ABCA3: variants seen among roughly 807,000 people sequenced by gnomAD.
ABCA3 encodes the protein ATP binding cassette subfamily A member 3.
A neutral mutation model predicts 172.8 loss-of-function variants in ABCA3; 88 were observed. The ratio of observed to expected loss-of-function variants is 0.51; its 90% CI spans 0.43 to 0.61. The LOEUF is 0.61. ABCA3 is among the 20% of genes least tolerant of loss of function. ABCA3 has a pLI of 0.00. For synonymous variants in ABCA3, 1,066 were observed against 983.8 expected, an observed-to-expected ratio of 1.08 and a Z score of -1.56; for missense variants, 2,164 against 2,301.0, an observed-to-expected ratio of 0.94 and a Z score of 1.22.
At position 2,277,818 on chromosome 16, in the gene ABCA3, G is replaced by A. The variant is rs1323447226; in HGVS notation, c.4909+61C>T. On this transcript the variant is annotated intron_variant, in intron 31 of 32. Coordinates refer to ENST00000301732, the MANE Select transcript of ABCA3 (RefSeq NM_001089.3). This position sits in a 1 kb window ranked among gnomAD's most constrained non-coding sequence, Gnocchi z 5.3. ...GCACAGACGCTCCGCACAGCAGATG[G>A]GAGAGGCCTAGGTAGGGGCCCAGGG... 6.2e-6 allele frequency: 10 copies of A among 1,602,252 alleles called. No homozygotes were observed. The highest frequency in any genetic ancestry group is 8.5e-6 in the Non-Finnish European group (10 of 1,175,868).
At chr16:2,313,768 G>A (rs932198674) in intron 10 of ABCA3, among the ~76,000 whole-genome samples, 7 of 150,816 alleles carry the variant, frequency 4.6e-5, no homozygotes, top group African/African-American at 1.5e-4. Flanking sequence ...GGTGGCGGGC[G>A]CCTGTAATCC....
At chr16:2,323,783 A>G in intron 6 of ABCA3, 95 bp from the exon 7 acceptor site, 2 of 1,421,720 alleles carry the variant, frequency 1.4e-6, no homozygotes, top group South Asian at 2.3e-5. Flanking sequence ...GGGCTGTCAC[A>G]GCCGAGAACT....
At chr16:2,298,928 G>A (rs534810630) in intron 14 of ABCA3, among the ~76,000 whole-genome samples, 19 of 152,308 alleles carry the variant, frequency 1.2e-4, no homozygotes, top group African/African-American at 4.6e-4. Flanking sequence ...GGGGTTTGGT[G>A]ACAGAATTAG....
chr16:2,295,669 G>T lies in ABCA3; in HGVS notation c.2335C>A (p.His779Asn). ...NPEDISQLVH[H>N]HVPNATLESS... The stretch of plus-strand genomic sequence containing the variant: ...TCCAGCGTGGCGTTGGGCACGTGGT[G>T]GTGGACCAGCTGGGAGATGTCTTCC... Residue 779 changes from histidine to asparagine, a missense_variant, in exon 18 of 33, where the codon CAC becomes AAC. His to Asn is a moderately conservative substitution (Grantham distance 68). Transcript: ENST00000301732. The T allele has an allele frequency of 6.2e-7, 1 of 1,614,082 alleles. No homozygotes were observed. Among genetic ancestry groups the T allele is most frequent in the Non-Finnish European group, 8.5e-7 (1 of 1,180,044 alleles).
intron 1 of ABCA3, among the ~76,000 whole-genome samples, chr16:2,337,541 T>A (rs2093753801): frequency 6.7e-6 from 1 of 148,346 alleles, no homozygotes; most frequent in Non-Finnish European, 1.5e-5. Flanking sequence ...GCCCGGCTAA[T>A]TGTTTGATTT....
chr16:2,320,773 G>C (rs1245376126), intron 7 of ABCA3, among the ~76,000 whole-genome samples: 3 of 152,082 alleles, frequency 2.0e-5, no homozygotes, highest in African/African-American at 7.2e-5. Flanking sequence ...GGCTAGAATT[G>C]ACCAGTCCCT....
intron 10 of ABCA3, among the ~76,000 whole-genome samples, chr16:2,317,028 A>T (rs2093717023): frequency 6.6e-6 from 1 of 152,192 alleles, no homozygotes; most frequent in Non-Finnish European, 1.5e-5. Flanking sequence ...CACTGTCCTC[A>T]CTTCTGGCTC....
At chr16:2,336,327 T>C (rs1031273277) in intron 1 of ABCA3, among the ~76,000 whole-genome samples, 1 of 152,192 alleles carries the variant, frequency 6.6e-6, no homozygotes, top group African/African-American at 2.4e-5. Context: ...GTAAATGAAA[T>C]TGAAAAACAA....
At chr16:2,313,339 G>A (rs2093709511) in intron 10 of ABCA3, among the ~76,000 whole-genome samples, 1 of 151,922 alleles carries the variant, frequency 6.6e-6, no homozygotes, top group African/African-American at 2.4e-5. Context: ...TGGATCACCT[G>A]AGGTCAGGAG....
At position 2,297,174 on chromosome 16, in the gene ABCA3, C is replaced by T. The variant is rs1026115744; in HGVS notation, c.2263+155G>A. On this transcript the variant is annotated intron_variant, in intron 17 of 32. Coordinates refer to ENST00000301732, the MANE Select transcript of ABCA3 (RefSeq NM_001089.3). This position sits in a 1 kb window ranked among gnomAD's most constrained non-coding sequence, Gnocchi z 5.6. The stretch of plus-strand genomic sequence containing the variant: ...TGCCTCTTCCCTCTCACAAGCCCCC[C>T]TGCCTGGTTGGGCTCTCCACCCAGA... 1.3e-5 allele frequency among the ~76,000 whole-genome samples: 2 copies of T among 152,120 alleles called. No homozygotes were observed. The highest frequency in any genetic ancestry group is 4.8e-5 in the African/African-American group (2 of 41,420).
At chr16:2,299,917 A>G in intron 13 of ABCA3, 88 bp downstream of exon 13, 2 of 1,575,018 alleles carry the variant, frequency 1.3e-6, no homozygotes, top group Non-Finnish European at 1.7e-6. Flanking sequence ...GGAGCGCCTG[A>G]CGGGCTATGA....
chr16:2,314,075 A>C (rs564314350), intron 10 of ABCA3, among the ~76,000 whole-genome samples: 4 of 152,134 alleles, frequency 2.6e-5, no homozygotes, highest in Non-Finnish European at 5.9e-5. Context: ...CGGGAAAGAC[A>C]GTCTGACAGT....
rs376543792 is a variant in ABCA3, at chr16:2,278,495, T to G, written c.4548-37A>C. 1.0e-4 allele frequency: 165 copies of G among 1,605,206 alleles called. No homozygotes were observed. The African/African-American group carries it at 2.0e-3, about 19-fold the overall frequency. On this transcript the variant is annotated intron_variant, in intron 29 of 32. Coordinates refer to ENST00000301732, the MANE Select transcript of ABCA3 (RefSeq NM_001089.3). This position sits in a 1 kb window ranked among gnomAD's most constrained non-coding sequence, Gnocchi z 4.4. ...AGGGTGCCAGGTGGGGGAATAAGGC[T>G]GAGAGTTAGCATTGGCTCCCATGTC...
rs1231561944 is a variant in ABCA3 at position 2,276,708 on chromosome 16, T to C, written c.5081A>G (p.His1694Arg). 1 of 1,613,712 alleles carries C rather than the reference T, an allele frequency of 6.2e-7. No homozygotes were observed. The highest frequency in any genetic ancestry group is 2.2e-5 in the East Asian group (1 of 44,888). Residue 1694 changes from histidine (H) to arginine (R), a missense_variant, in exon 33 of 33, where the codon CAC (histidine) becomes CGC (arginine). This residue lies in a region of ABCA3 where 795 missense variants were observed against 881.9 expected (regional missense o/e 0.90). Transcript: ENST00000301732. ...SLEQVFLSFA[H>R]LQPPTAEEGR ...CTCCTCTGCGGTGGGCGGCTGCAGG[T>C]GGGCGAAGCTCAGGAAGACCTGTTC...
At chr16:2,282,551 G>A (rs1251926412) in intron 26 of ABCA3, among the ~76,000 whole-genome samples, 1 of 152,240 alleles carries the variant, frequency 6.6e-6, no homozygotes, top group Non-Finnish European at 1.5e-5. Flanking sequence ...CTGAGAAAAT[G>A]AACGTTTTCA....
In ABCA3 at chr16:2,287,328, G is replaced by A. The variant is rs1466851264; in HGVS notation, c.3005-361C>T. ...ACAGTCTTGCTCTGTCACCCAGGCT[G>A]GAGTGCAATGGTGCGATCTTGGCTC... is the stretch of plus-strand genomic sequence containing the variant. On this transcript the variant is annotated intron_variant, in intron 21 of 32. Transcript: ENST00000301732. This position sits in a 1 kb window ranked among gnomAD's most constrained non-coding sequence, Gnocchi z 4.1. Among the ~76,000 whole-genome samples, 1 of 151,822 alleles carries A rather than the reference G, an allele frequency of 6.6e-6. No individual in the cohort carries two copies. Among genetic ancestry groups the A allele is most frequent in the African/African-American group, 2.4e-5 (1 of 41,302 alleles).
In ABCA3 at chr16:2,289,667, G is replaced by A. The variant is rs1378423417; in HGVS notation, c.2514-47C>T. 1.9e-6 allele frequency: 3 copies of A among 1,538,842 alleles called. No individual in the cohort carries two copies. The South Asian group carries it at 3.6e-5, about 18-fold the overall frequency. On this transcript the variant is annotated intron_variant, in intron 19 of 32. Coordinates refer to ENST00000301732, the MANE Select transcript of ABCA3 (RefSeq NM_001089.3). ...CCGGTCAGGACCCAGCTCCCCGGGT[G>A]GGTGGAGGGAGGGACTATGGTTAGA...
intron 1 of ABCA3, among the ~76,000 whole-genome samples, chr16:2,334,751 C>T (rs1036726268): frequency 6.6e-6 from 1 of 151,672 alleles, no homozygotes; most frequent in Non-Finnish European, 1.5e-5. Context: ...CTCCTGAACT[C>T]AGGTGATCCA....
intron 28 of ABCA3, among the ~76,000 whole-genome samples, chr16:2,280,578 T>G (rs1358779823): frequency 1.3e-5 from 2 of 152,122 alleles, no homozygotes; most frequent in Middle Eastern, 3.2e-3. Context: ...CTTGGCACAC[T>G]TGAATTCCCA....
Sources: gnomAD v4.1 joint callset for allele counts (sites outside exome capture counted in the v4.1 genomes callset) on GRCh38, gnomAD v4.1.1 for gene constraint, gnomAD v4.1.1 regional missense constraint, Gnocchi (gnomAD v3.1) non-coding constraint, MANE v1.5 for transcripts, NCBI Gene and HGNC (gene_info 2026-07-23, HGNC 2026-07-21) for gene names.